The following PPM1H variants were observed in gnomAD, a reference collection of about 807,000 sequenced individuals.
PPM1H encodes protein phosphatase, Mg2+/Mn2+ dependent 1H.
PPM1H carries 27 observed loss-of-function variants against 54.9 expected under a neutral mutation model. The ratio of observed to expected loss-of-function variants is 0.49; its 90% CI spans 0.36 to 0.68. PPM1H has a LOEUF of 0.68. PPM1H is among the 30% of genes least tolerant of loss of function. The pLI, the probability that PPM1H is intolerant of heterozygous loss-of-function variation, is 0.00. For missense variants in PPM1H, 596 were observed against 667.8 expected, an observed-to-expected ratio of 0.89 and a Z score of 1.19; for synonymous variants, 305 against 270.8, an observed-to-expected ratio of 1.13 and a Z score of -1.24.
At chr12:62,737,205 A>T (rs184865258) in intron 5 of PPM1H, among the ~76,000 whole-genome samples, 1 of 139,868 alleles carries the variant, frequency 7.1e-6, no homozygotes, top group South Asian at 2.4e-4. Context: ...CACATTGTAC[A>T]TAAGAAGCCA....
At chr12:62,654,610 CG>C (rs1565745712) in intron 9 of PPM1H, among the ~76,000 whole-genome samples, 1 of 152,184 alleles carries the variant, frequency 6.6e-6, no homozygotes, top group East Asian at 1.9e-4. Flanking sequence ...TACTTCCCTT[CG>C]TTCCTCCTCT....
chr12:62,717,715 G>C (rs1202325696), intron 6 of PPM1H, among the ~76,000 whole-genome samples: 1 of 152,118 alleles, frequency 6.6e-6, no homozygotes, highest in Non-Finnish European at 1.5e-5. Context: ...TCCAGGGTTT[G>C]GAGAAAGAAA....
At chr12:62,820,228 G>C (rs770557566) in intron 2 of PPM1H, among the ~76,000 whole-genome samples, 2 of 152,248 alleles carry the variant, frequency 1.3e-5, no homozygotes, top group African/African-American at 2.4e-5. Context: ...TGAAGCTTGA[G>C]TAGGTAAACA....
chr12:62,771,793 A>G (rs182730189), intron 4 of PPM1H, among the ~76,000 whole-genome samples: 90 of 152,276 alleles, frequency 5.9e-4, no homozygotes, highest in African/African-American at 2.0e-3. Context: ...ATTATGTTTT[A>G]CTTATTTTGC....
chr12:62,712,771 C>G (rs752351602), intron 6 of PPM1H, among the ~76,000 whole-genome samples: 1 of 152,122 alleles, frequency 6.6e-6, no homozygotes, highest in South Asian at 2.1e-4. Flanking sequence ...CAAAGAGGGA[C>G]ACTGTCCCTT....
At chr12:62,832,772 G>A (rs1349852334) in intron 1 of PPM1H, among the ~76,000 whole-genome samples, 1 of 151,984 alleles carries the variant, frequency 6.6e-6, no homozygotes, top group African/African-American at 2.4e-5. Context: ...ATTTCACTAC[G>A]GCCATACCCC....
intron 9 of PPM1H, among the ~76,000 whole-genome samples, chr12:62,654,279 T>G (rs2075832172): frequency 7.1e-6 from 1 of 140,316 alleles, no homozygotes; most frequent in African/African-American, 2.7e-5. Flanking sequence ...CCTGATAAGG[T>G]CTCAGGAGAT....
At chr12:62,764,976 G>A (rs1170460102) in intron 4 of PPM1H, among the ~76,000 whole-genome samples, 2 of 152,238 alleles carry the variant, frequency 1.3e-5, no homozygotes, top group African/African-American at 2.4e-5. Flanking sequence ...GGGGAGGCTC[G>A]AGGGATGGGC....
intron 3 of PPM1H, among the ~76,000 whole-genome samples, chr12:62,789,605 T>C (rs940885987): frequency 2.0e-5 from 3 of 152,248 alleles, no homozygotes; most frequent in Non-Finnish European, 2.9e-5. Flanking sequence ...TTGAGAACTT[T>C]CTCTACGTCA....
At chr12:62,866,273 G>A (rs1869773065) in intron 1 of PPM1H, among the ~76,000 whole-genome samples, 1 of 150,008 alleles carries the variant, frequency 6.7e-6, no homozygotes, top group Non-Finnish European at 1.5e-5. Context: ...ACTAGGGTTT[G>A]GAGCACTGAC....
At chr12:62,649,419 G>A (rs1460787589) in intron 9 of PPM1H, among the ~76,000 whole-genome samples, 1 of 152,120 alleles carries the variant, frequency 6.6e-6, no homozygotes, top group Non-Finnish European at 1.5e-5. Flanking sequence ...TTAACATCTA[G>A]GAGAAAGACT....
Position 62,934,657 on chromosome 12 carries a change from C to A in PPM1H, c.80G>T (p.Gly27Val). 1 of 1,599,246 alleles carries A rather than the reference C, an allele frequency of 6.3e-7. No homozygotes were observed. Among genetic ancestry groups the A allele is most frequent in the East Asian group, 2.3e-5 (1 of 43,966 alleles). Residue 27 changes from glycine (G) to valine (V), a missense_variant, in exon 1 of 10, where the codon GGC (glycine) becomes GTC (valine). Gly to Val is a moderately radical substitution (Grantham distance 109). This residue lies in a region of PPM1H where 382 missense variants were observed against 387.1 expected (regional missense o/e 0.99). Transcript: ENST00000228705. The surrounding 1 kb of genome is among the most constrained non-coding windows in gnomAD (Gnocchi z 4.2). ...MAGSSGSEHGGGSCGGSDLPL... is the reference protein window; with the variant it reads ...MAGSSGSEHGVGSCGGSDLPL... ...CAGGTCCGAGCCTCCGCAGCTGCCG[C>A]CGCCGTGCTCGGAGCCTGAGCTGCC... is the stretch of plus-strand genomic sequence containing the variant.
At chr12:62,823,570 C>T (rs2076917627) in intron 2 of PPM1H, among the ~76,000 whole-genome samples, 1 of 152,142 alleles carries the variant, frequency 6.6e-6, no homozygotes, top group African/African-American at 2.4e-5. Flanking sequence ...CAGCTTCATC[C>T]CTGGGATGCA....
chr12:62,909,595 C>A (rs75609028), intron 1 of PPM1H, among the ~76,000 whole-genome samples: 4,263 of 152,300 alleles, frequency 0.028, 226 homozygotes, highest in African/African-American at 0.098. Context: ...TGATTTCACT[C>A]AGGTCAACAA....
intron 4 of PPM1H, among the ~76,000 whole-genome samples, chr12:62,763,726 T>A (rs556611450): frequency 2.0e-5 from 3 of 152,364 alleles, no homozygotes; most frequent in Non-Finnish European, 4.4e-5. Flanking sequence ...ACAGAAATTG[T>A]TGAGCTTAGA....
At chr12:62,770,456 T>C (rs2076572031) in intron 4 of PPM1H, among the ~76,000 whole-genome samples, 1 of 152,218 alleles carries the variant, frequency 6.6e-6, no homozygotes, top group African/African-American at 2.4e-5. Context: ...TATAACCTGC[T>C]CTACATCACA....
intron 7 of PPM1H, among the ~76,000 whole-genome samples, chr12:62,692,963 A>ACACACACACT (rs55900787): frequency 5.4e-5 from 8 of 149,286 alleles, no homozygotes; most frequent in Non-Finnish European, 1.2e-4. Context: ...ACACACACAC[A>ACACACACACT]CTCTGCCCAT....
At chr12:62,818,050 G>A (rs1592615087) in intron 2 of PPM1H, among the ~76,000 whole-genome samples, 1 of 152,200 alleles carries the variant, frequency 6.6e-6, no homozygotes, top group Non-Finnish European at 1.5e-5. Flanking sequence ...GTGTTCAGAA[G>A]TCTAGTCTCA....
chr12:62,763,475 C>T (rs2076522923), intron 4 of PPM1H, among the ~76,000 whole-genome samples: 1 of 152,196 alleles, frequency 6.6e-6, no homozygotes, highest in Non-Finnish European at 1.5e-5. Context: ...AGTTGCTTTT[C>T]AGCTGTGAGA....
Sources: allele counts gnomAD v4.1 joint callset (sites outside exome capture counted in the v4.1 genomes callset), GRCh38; gene constraint gnomAD v4.1.1; regional missense constraint gnomAD v4.1.1; non-coding constraint Gnocchi (gnomAD v3.1); transcripts MANE v1.5; gene names NCBI Gene and HGNC (gene_info 2026-07-23, HGNC 2026-07-21).